Variants in LYPD6 observed in about 807,000 individuals in gnomAD.
LYPD6 encodes the protein ly6/PLAUR domain-containing protein 6.
In LYPD6, 15 loss-of-function variants were observed where a neutral mutation model predicts 22.7. The observed-to-expected ratio is 0.66, with a 90% CI of 0.44 to 1.02. LYPD6 has a LOEUF of 1.02. Among genes scored for constraint, LYPD6 ranks in the 50% least tolerant of loss-of-function variants. LYPD6 has a pLI of 0.00. For synonymous variants in LYPD6, 72 were observed against 77.5 expected (o/e 0.93, Z 0.37); for missense variants, 189 against 208.4 (o/e 0.91, Z 0.57).
chr2:149,472,428 G>A lies in LYPD6; in HGVS notation c.*1578G>A, dbSNP rs1231243524. ...TTTTGTGAAACTTGGTAGAACCATGGCTAATAAAGAGGACAGTGTTGTCAG... is the reference window on the plus strand; with the variant it reads ...TTTTGTGAAACTTGGTAGAACCATGACTAATAAAGAGGACAGTGTTGTCAG... On this transcript the variant is annotated 3_prime_UTR_variant, in exon 5 of 5. Coordinates refer to ENST00000334166, the MANE Select transcript of LYPD6 (RefSeq NM_194317.5). 6.6e-6 allele frequency: 1 copy of A among 152,586 alleles called. No individual in the cohort carries two copies. Among genetic ancestry groups the A allele is most frequent in the Non-Finnish European group, 1.5e-5 (1 of 68,032 alleles). 9.5% of individuals were successfully genotyped at this position (152,586 alleles called of 1,614,324 possible). A position where few individuals can be genotyped will look rare whatever the true frequency, so the allele number is the denominator to read the frequency against.
chr2:149,435,259 A>G (rs1052863556), intron 1 of LYPD6, among the ~76,000 whole-genome samples: 3 of 152,216 alleles, frequency 2.0e-5, no homozygotes, highest in Non-Finnish European at 4.4e-5. Context: ...CCCCCAGTCT[A>G]TGGTATTTTG....
At position 149,385,982 on chromosome 2, in the gene LYPD6, C is replaced by A. The variant is rs1026561221; in HGVS notation, c.-71-51656C>A. 2.0e-5 allele frequency among the ~76,000 whole-genome samples: 3 copies of A among 151,972 alleles called. No homozygotes were observed. In the East Asian group the frequency reaches 5.8e-4, roughly 29 times the overall value. On this transcript the variant is annotated intron_variant, in intron 1 of 4. Coordinates refer to ENST00000334166, the MANE Select transcript of LYPD6 (RefSeq NM_194317.5). Reference sequence around the variant, plus strand: ...CCCAGGTATGGTTAAATAGATACATCTTGGCAACAGATTCAGAATCCCCCC... The same window carrying A: ...CCCAGGTATGGTTAAATAGATACATATTGGCAACAGATTCAGAATCCCCCC...
chr2:149,463,747 G>C (rs905235507), intron 3 of LYPD6, among the ~76,000 whole-genome samples: 1 of 152,158 alleles, frequency 6.6e-6, no homozygotes, highest in African/African-American at 2.4e-5. Flanking sequence ...CAGTGAATGA[G>C]ACTGAGTGAA....
intron 1 of LYPD6, among the ~76,000 whole-genome samples, chr2:149,375,971 T>G (rs983572599): frequency 6.6e-6 from 1 of 152,222 alleles, no homozygotes; most frequent in Non-Finnish European, 1.5e-5. Flanking sequence ...TCTTAGTGCA[T>G]AAGCCAAGTG....
chr2:149,464,735 A>T (rs1257953752), intron 3 of LYPD6, among the ~76,000 whole-genome samples: 1 of 152,160 alleles, frequency 6.6e-6, no homozygotes, highest in African/African-American at 2.4e-5. Flanking sequence ...ACAAGAAACA[A>T]TGAGGTCCGG....
intron 4 of LYPD6, among the ~76,000 whole-genome samples, chr2:149,469,329 C>G (rs530138959): frequency 6.6e-6 from 1 of 152,272 alleles, no homozygotes; most frequent in East Asian, 1.9e-4. Context: ...TGCCTATGTA[C>G]AGAAGCACTC....
intron 1 of LYPD6, among the ~76,000 whole-genome samples, chr2:149,331,326 C>T (rs1374661965): frequency 2.6e-5 from 4 of 152,196 alleles, no homozygotes; most frequent in African/African-American, 9.7e-5. Flanking sequence ...CTTGACTTGG[C>T]GACCTGTTTT....
intron 1 of LYPD6, among the ~76,000 whole-genome samples, chr2:149,344,402 C>T (rs1215708439): frequency 6.6e-6 from 1 of 152,142 alleles, no homozygotes; most frequent in Non-Finnish European, 1.5e-5. Context: ...GTGCTGTACA[C>T]CCTGCCCAAT....
At chr2:149,334,756 ATT>A (rs34573058) in intron 1 of LYPD6, among the ~76,000 whole-genome samples, 2,516 of 143,440 alleles carry the variant, frequency 0.018, 51 homozygotes, top group African/African-American at 0.058. Context: ...GCAAGTAACG[ATT>A]TTTTTTTTTT....
intron 1 of LYPD6, among the ~76,000 whole-genome samples, chr2:149,393,743 C>T (rs1022627811): frequency 3.3e-5 from 5 of 152,188 alleles, no homozygotes; most frequent in Non-Finnish European, 5.9e-5. Context: ...CTGGGTTGCT[C>T]TGTACCGTGA....
chr2:149,467,984 A>G (rs934770927), intron 3 of LYPD6, among the ~76,000 whole-genome samples: 1 of 152,156 alleles, frequency 6.6e-6, no homozygotes, highest in Non-Finnish European at 1.5e-5. Flanking sequence ...AGACACTGAA[A>G]TCATGCTAGG....
At chr2:149,390,361 G>A (rs1297032267) in intron 1 of LYPD6, among the ~76,000 whole-genome samples, 1 of 152,192 alleles carries the variant, frequency 6.6e-6, no homozygotes, top group Non-Finnish European at 1.5e-5. Flanking sequence ...CCTCCTACAT[G>A]CTGTAGCTGT....
chr2:149,437,785 G>A lies in LYPD6; in HGVS notation c.77G>A (p.Arg26Gln), dbSNP rs1483933287. The part of the protein sequence containing the change: ...LADCLKAAQS[R>Q]DFTVKDIIYL... ...GATTGTCTGAAAGCTGCTCAGTCCC[G>A]AGACTTCACAGTGAAAGACATTATC... The change falls in exon 2 of 5, where the codon CGA becomes CAA. Residue 26 changes from arginine to glutamine, a missense_variant. Transcript: ENST00000334166. The A allele has an allele frequency of 1.1e-5, 18 of 1,614,078 alleles. No individual in the cohort carries two copies. Among genetic ancestry groups the A allele is most frequent in the South Asian group, 2.2e-5 (2 of 91,072 alleles).
At chr2:149,341,171 C>G (rs940364696) in intron 1 of LYPD6, among the ~76,000 whole-genome samples, 1 of 152,066 alleles carries the variant, frequency 6.6e-6, no homozygotes, top group Non-Finnish European at 1.5e-5. Context: ...GATTCCCGAT[C>G]TGAATTAAAA....
chr2:149,398,534 T>C (rs1246274625), intron 1 of LYPD6, among the ~76,000 whole-genome samples: 1 of 152,026 alleles, frequency 6.6e-6, no homozygotes, highest in Non-Finnish European at 1.5e-5. Context: ...GGATGCTGCT[T>C]TCCTTACTTT....
intron 1 of LYPD6, among the ~76,000 whole-genome samples, chr2:149,365,170 A>G (rs147942592): frequency 4.3e-4 from 66 of 152,348 alleles, no homozygotes; most frequent in African/African-American, 1.6e-3. Flanking sequence ...TCTTTTGCCC[A>G]TGCAAAGCTC....
chr2:149,395,102 A>ATT (rs59440032), intron 1 of LYPD6, among the ~76,000 whole-genome samples: 1,638 of 145,124 alleles, frequency 0.011, 34 homozygotes, highest in African/African-American at 0.039. Flanking sequence ...GAGACCAACC[A>ATT]TTTTTTTTTT....
intron 1 of LYPD6, among the ~76,000 whole-genome samples, chr2:149,428,088 T>C (rs1464825031): frequency 6.6e-6 from 1 of 152,246 alleles, no homozygotes; most frequent in Admixed American, 6.5e-5. Flanking sequence ...GAATAAAGTA[T>C]CAGTGTCTAT....
intron 3 of LYPD6, among the ~76,000 whole-genome samples, chr2:149,462,740 G>A (rs1681114110): frequency 6.6e-6 from 1 of 151,920 alleles, no homozygotes; most frequent in Admixed American, 6.6e-5. Context: ...AGAATAAATA[G>A]ACCTTAAAAA....
Sources: allele counts gnomAD v4.1 joint callset (sites outside exome capture counted in the v4.1 genomes callset), GRCh38; gene constraint gnomAD v4.1.1; transcripts MANE v1.5; gene names NCBI Gene and HGNC (gene_info 2026-07-23, HGNC 2026-07-21).